NRG3: variants seen among roughly 807,000 people sequenced by gnomAD.
NRG3 encodes the protein pro-neuregulin-3, membrane-bound isoform.
NRG3 carries 31 observed loss-of-function variants against 66.9 expected under a neutral mutation model. The observed-to-expected ratio is 0.46, with a 90% CI of 0.35 to 0.63. NRG3 has a LOEUF of 0.63. Among genes scored for constraint, NRG3 ranks in the 20% least tolerant of loss-of-function variants. The probability of loss-of-function intolerance (pLI) is 0.00; values close to 1 mark genes in which losing one functional copy is unlikely to be tolerated. For synonymous variants in NRG3, 393 were observed against 359.4 expected (o/e 1.09, Z -1.06); for missense variants, 910 against 878.9 (o/e 1.04, Z -0.45).
intron 2 of NRG3, among the ~76,000 whole-genome samples, chr10:82,491,316 A>ATATATATATATATATATACATATAT (rs1389375279): frequency 2.0e-4 from 28 of 136,748 alleles, no homozygotes; most frequent in East Asian, 4.1e-4. Flanking sequence ...ATATATATAT[A>ATATATATATATATATATACATATAT]AAATAAAGAT....
At chr10:82,635,346 A>G (rs2050116302) in intron 2 of NRG3, among the ~76,000 whole-genome samples, 1 of 152,040 alleles carries the variant, frequency 6.6e-6, no homozygotes, top group Non-Finnish European at 1.5e-5. Flanking sequence ...AGCTCCAAAG[A>G]CCCCAAATTC....
chr10:82,003,947 G>A (rs571002663), intron 1 of NRG3, among the ~76,000 whole-genome samples: 108 of 150,838 alleles, frequency 7.2e-4, no homozygotes, highest in African/African-American at 2.5e-3. Flanking sequence ...GAGCCCAGGA[G>A]TTCAAGTCCA....
intron 1 of NRG3, among the ~76,000 whole-genome samples, chr10:81,937,413 C>T (rs577530647): frequency 6.6e-6 from 1 of 152,168 alleles, no homozygotes; most frequent in African/African-American, 2.4e-5. Context: ...TCCAATTTCT[C>T]CACATTCTTA....
chr10:82,059,938 C>A (rs1376115028), intron 1 of NRG3, among the ~76,000 whole-genome samples: 1 of 152,146 alleles, frequency 6.6e-6, no homozygotes, highest in African/African-American at 2.4e-5. Flanking sequence ...ATCATGGGTA[C>A]TGGACACAGG....
intron 2 of NRG3, among the ~76,000 whole-genome samples, chr10:82,362,333 A>ATGTGTGTGTGTGTGTG (rs56996997): frequency 4.4e-5 from 6 of 135,954 alleles, no homozygotes; most frequent in African/African-American, 1.6e-4. Flanking sequence ...GTATATATAT[A>ATGTGTGTGTGTGTGTG]TGTGTGTGTG....
At chr10:82,637,679 G>A (rs2050289913) in intron 2 of NRG3, among the ~76,000 whole-genome samples, 1 of 152,076 alleles carries the variant, frequency 6.6e-6, no homozygotes, top group African/African-American at 2.4e-5. Flanking sequence ...GAAAGTCAAG[G>A]AAAGACTGAA....
chr10:82,414,192 A>T (rs1413596915), intron 2 of NRG3, among the ~76,000 whole-genome samples: 1 of 151,936 alleles, frequency 6.6e-6, no homozygotes, highest in Non-Finnish European at 1.5e-5. Context: ...AGAGAATGTG[A>T]CTCTTCCTTT....
chr10:82,548,362 T>G (rs1005591528), intron 2 of NRG3, among the ~76,000 whole-genome samples: 2 of 152,050 alleles, frequency 1.3e-5, no homozygotes, highest in Admixed American at 6.6e-5. Context: ...CAAGGGTTAT[T>G]TCTTTCCGGG....
At chr10:82,194,346 T>G (rs898376798) in intron 1 of NRG3, among the ~76,000 whole-genome samples, 3 of 152,038 alleles carry the variant, frequency 2.0e-5, no homozygotes, top group African/African-American at 7.2e-5. Flanking sequence ...TGTTGGATAT[T>G]TTTGTATGCA....
chr10:82,943,164 G>C (rs142986562), intron 4 of NRG3, among the ~76,000 whole-genome samples: 49 of 152,248 alleles, frequency 3.2e-4, no homozygotes, highest in Admixed American at 1.2e-3. Context: ...CTGGCGTTTT[G>C]TGCATCATTT....
chr10:82,935,831 T>C (rs1848013782), intron 4 of NRG3, among the ~76,000 whole-genome samples: 1 of 150,996 alleles, frequency 6.6e-6, no homozygotes, highest in African/African-American at 2.4e-5. Flanking sequence ...AAATGAGCCA[T>C]AGCTACCTGC....
At chr10:82,494,196 CT>C (rs1196522900) in intron 2 of NRG3, among the ~76,000 whole-genome samples, 5 of 152,136 alleles carry the variant, frequency 3.3e-5, no homozygotes, top group Non-Finnish European at 4.4e-5. Flanking sequence ...CCTCAAGGAT[CT>C]AGAACCAGAA....
chr10:82,954,702 C>CT (rs992298105), intron 5 of NRG3, among the ~76,000 whole-genome samples: 2 of 151,362 alleles, frequency 1.3e-5, no homozygotes, highest in African/African-American at 2.4e-5. Context: ...CTTGGTCTCC[C>CT]TTTTTTTTCT....
At chr10:82,775,593 G>A (rs762844897) in intron 3 of NRG3, among the ~76,000 whole-genome samples, 11 of 152,080 alleles carry the variant, frequency 7.2e-5, no homozygotes, top group Non-Finnish European at 1.3e-4. Context: ...TTGTTGTATG[G>A]AAACTTTTAT....
At chr10:82,290,875 C>G (rs768629474) in intron 1 of NRG3, among the ~76,000 whole-genome samples, 4 of 151,236 alleles carry the variant, frequency 2.6e-5, no homozygotes, top group Non-Finnish European at 5.9e-5. Flanking sequence ...GATCTCCTGA[C>G]ATCGTGATCT....
intron 2 of NRG3, among the ~76,000 whole-genome samples, chr10:82,542,709 C>T (rs557414667): frequency 1.2e-4 from 18 of 152,228 alleles, no homozygotes; most frequent in African/African-American, 2.9e-4. Flanking sequence ...GGCAGTCTTG[C>T]CAAAGGCATA....
At chr10:82,223,516 G>C (rs958744459) in intron 1 of NRG3, among the ~76,000 whole-genome samples, 2 of 152,040 alleles carry the variant, frequency 1.3e-5, no homozygotes, top group Non-Finnish European at 2.9e-5. Context: ...AACTCAGTTG[G>C]AGAGAATCAG....
chr10:82,104,145 A>C (rs971014970), intron 1 of NRG3, among the ~76,000 whole-genome samples: 5 of 152,096 alleles, frequency 3.3e-5, no homozygotes, highest in Non-Finnish European at 7.4e-5. Flanking sequence ...TACTTTTCAG[A>C]AGTAATTTTC....
chr10:81,875,926 A>G lies in NRG3; in HGVS notation c.586A>G (p.Thr196Ala). The change falls in exon 1 of 9, where the codon ACC becomes GCC. Residue 196 changes from threonine to alanine, a missense_variant. Coordinates refer to ENST00000372141, the MANE Select transcript of NRG3 (RefSeq NM_001010848.4). This position sits in a 1 kb window ranked among gnomAD's most constrained non-coding sequence, Gnocchi z 5.3. ...TGCGGCCCCTGCGACGGTCCCGTCC[A>G]CCACGGCCCCGTTCTTCAGTAGCAG... The part of the protein sequence containing the change: ...NTAAPATVPS[T>A]TAPFFSSSTL... 1.2e-6 allele frequency: 2 copies of G among 1,613,516 alleles called. No individual in the cohort carries two copies. The highest frequency in any genetic ancestry group is 1.7e-6 in the Non-Finnish European group (2 of 1,179,998).
Sources: gnomAD v4.1 joint callset for allele counts (sites outside exome capture counted in the v4.1 genomes callset) on GRCh38, gnomAD v4.1.1 for gene constraint, Gnocchi (gnomAD v3.1) non-coding constraint, MANE v1.5 for transcripts, NCBI Gene and HGNC (gene_info 2026-07-23, HGNC 2026-07-21) for gene names.